Variants in CRTAC1 observed in about 807,000 individuals in gnomAD.
CRTAC1 encodes acidic secreted protein in cartilage.
A neutral mutation model predicts 67.8 loss-of-function variants in CRTAC1; 37 were observed. The observed-to-expected ratio is 0.55, with a 90% CI of 0.42 to 0.72. CRTAC1 has a LOEUF of 0.72. Among genes scored for constraint, CRTAC1 ranks in the 30% least tolerant of loss-of-function variants. The pLI is 0.00. For missense variants in CRTAC1, 780 were observed against 931.6 expected, an observed-to-expected ratio of 0.84 and a Z score of 2.12; for synonymous variants, 348 against 371.0, an observed-to-expected ratio of 0.94 and a Z score of 0.71.
chr10:98,011,103 T>G (rs1711626924), intron 2 of CRTAC1, 35 bp downstream of exon 2: 1 of 1,589,314 alleles, frequency 6.3e-7, no homozygotes, highest in Admixed American at 1.7e-5. Context: ...AAAATCTGAT[T>G]AATATCTGTC....
chr10:97,964,364 TGA>T (rs1157069790), intron 2 of CRTAC1, among the ~76,000 whole-genome samples: 2 of 152,208 alleles, frequency 1.3e-5, no homozygotes, highest in African/African-American at 4.8e-5. Context: ...TCCTGCAGTG[TGA>T]GTTTGTCTTA....
At position 97,880,345 on chromosome 10, in the gene CRTAC1, G is replaced by T. The variant is rs773010392; in HGVS notation, c.1723C>A (p.Pro575Thr). Residue 575 changes from proline (P) to threonine (T), a missense_variant, in exon 14 of 15, where the codon CCC becomes ACC. By Grantham distance (38) the Pro-to-Thr change is conservative. Coordinates refer to ENST00000370597, the MANE Select transcript of CRTAC1 (RefSeq NM_018058.7). ...QFPFVCPRDK[P>T]VCVNTYGSYR... ...CTTCCATAGGTGTTGACACATACGG[G>T]CTTGTCTCGAGGGCACACGAATGGG... 1 of 1,614,176 alleles carries T rather than the reference G, an allele frequency of 6.2e-7. No homozygotes were observed. The highest frequency in any genetic ancestry group is 8.5e-7 in the Non-Finnish European group (1 of 1,180,006).
chr10:97,918,221 T>C (rs1352850634), intron 4 of CRTAC1, among the ~76,000 whole-genome samples: 2 of 152,184 alleles, frequency 1.3e-5, no homozygotes, highest in Non-Finnish European at 2.9e-5. Context: ...TCCCTTCCCT[T>C]ATTTCCCCTG....
chr10:97,875,048 C>T (rs564085640), intron 14 of CRTAC1, among the ~76,000 whole-genome samples: 11 of 152,308 alleles, frequency 7.2e-5, no homozygotes, highest in Admixed American at 2.6e-4. Context: ...ACACAGTAGG[C>T]GTTCAGTCAC....
At position 97,880,330 on chromosome 10, in the gene CRTAC1, T is replaced by C; in HGVS notation, c.1738A>G (p.Thr580Ala). The C allele has an allele frequency of 6.2e-7, 1 of 1,614,166 alleles. No homozygotes were observed. Among genetic ancestry groups the C allele is most frequent in the East Asian group, 2.2e-5 (1 of 44,884 alleles). Residue 580 changes from threonine (T) to alanine (A), a missense_variant, in exon 14 of 15, where the codon ACC (threonine) becomes GCC (alanine). Thr to Ala is a moderately conservative substitution (Grantham distance 58). Transcript: ENST00000370597. ...GTCCGGCACCTGTAGCTTCCATAGG[T>C]GTTGACACATACGGGCTTGTCTCGA... ...CPRDKPVCVN[T>A]YGSYRCRTNK...
At chr10:97,931,516 T>G (rs896069628) in intron 3 of CRTAC1, among the ~76,000 whole-genome samples, 3 of 152,136 alleles carry the variant, frequency 2.0e-5, no homozygotes, top group African/African-American at 7.2e-5. Flanking sequence ...ATGAGAAAGC[T>G]CTCTGTGTAC....
intron 2 of CRTAC1, among the ~76,000 whole-genome samples, chr10:97,991,488 CCCG>C (rs376520287): frequency 2.7e-3 from 411 of 151,280 alleles, no homozygotes; most frequent in African/African-American, 9.0e-3. Context: ...ATTTTATCCC[CCCG>C]ATAAAAAGAG....
At chr10:97,894,384 T>C (rs933486152) in intron 11 of CRTAC1, among the ~76,000 whole-genome samples, 2 of 151,994 alleles carry the variant, frequency 1.3e-5, no homozygotes, top group Non-Finnish European at 2.9e-5. Flanking sequence ...ATGTGCTATA[T>C]GCATGTTGAT....
At chr10:97,865,813 CT>C in intron 14 of CRTAC1, 99 bp from the exon 15 acceptor site, 1 of 564,792 alleles carries the variant, frequency 1.8e-6, no homozygotes. Flanking sequence ...GCTCACCCTG[CT>C]GCCCGGGGTG....
chr10:97,869,841 C>A (rs2050071841), intron 14 of CRTAC1: 1 of 152,302 alleles, frequency 6.6e-6, no homozygotes, highest in African/African-American at 2.4e-5. Flanking sequence ...GGAAACTCCA[C>A]ATCCCTCTCC....
At chr10:97,953,275 C>T (rs1284644876) in intron 2 of CRTAC1, among the ~76,000 whole-genome samples, 1 of 152,080 alleles carries the variant, frequency 6.6e-6, no homozygotes, top group Non-Finnish European at 1.5e-5. Context: ...TCTTCTTTTC[C>T]TTTTGATATG....
intron 14 of CRTAC1, among the ~76,000 whole-genome samples, chr10:97,879,437 G>T: frequency 6.6e-6 from 1 of 152,160 alleles, no homozygotes. Context: ...GAGACTGGAT[G>T]GGGTATTGGA....
rs1162796305 is a variant in CRTAC1 at position 97,917,625 on chromosome 10, T to C, written c.590A>G (p.Asn197Ser). The C allele has an allele frequency of 6.3e-7, 1 of 1,596,456 alleles. No individual in the cohort carries two copies. The highest frequency in any genetic ancestry group is 1.3e-5 in the African/African-American group (1 of 74,764). The change falls in exon 5 of 15, where the codon AAT (asparagine) becomes AGT (serine). Residue 197 changes from asparagine to serine, a missense_variant. Transcript: ENST00000370597. ...AGGGCCCACATTACCGTAGGCGTAA[T>C]TGGCAATGTAGATAGAGTAGCGTCC... ...GSGRYSIYIA[N>S]YAYGNVGPDA...
chr10:97,927,459 C>G (rs1392687383), intron 3 of CRTAC1, among the ~76,000 whole-genome samples: 1 of 152,188 alleles, frequency 6.6e-6, no homozygotes, highest in Non-Finnish European at 1.5e-5. Flanking sequence ...TTTTTGTAGA[C>G]CACCTCTTAG....
At chr10:97,992,195 C>T (rs1448226407) in intron 2 of CRTAC1, among the ~76,000 whole-genome samples, 1 of 152,116 alleles carries the variant, frequency 6.6e-6, no homozygotes, top group South Asian at 2.1e-4. Context: ...AGGGAAGCAA[C>T]TTTAAAAGAT....
At chr10:98,011,868 T>C (rs1170699789) in intron 1 of CRTAC1, among the ~76,000 whole-genome samples, 1 of 152,168 alleles carries the variant, frequency 6.6e-6, no homozygotes, top group Non-Finnish European at 1.5e-5. Context: ...ACTGGGCGAA[T>C]GAAGAACCTA....
intron 5 of CRTAC1, among the ~76,000 whole-genome samples, chr10:97,911,479 C>A (rs981488595): frequency 7.2e-5 from 11 of 152,238 alleles, no homozygotes; most frequent in Non-Finnish European, 1.6e-4. Context: ...GTTACCCACA[C>A]CTCCTTCTCG....
chr10:97,925,646 T>C (rs1434803874), intron 3 of CRTAC1, among the ~76,000 whole-genome samples: 1 of 103,054 alleles, frequency 9.7e-6, no homozygotes, highest in African/African-American at 3.8e-5. Flanking sequence ...TGAGTGAGAA[T>C]GAGTGTGGGC....
intron 4 of CRTAC1, among the ~76,000 whole-genome samples, chr10:97,921,023 A>G (rs2050829189): frequency 6.6e-6 from 1 of 152,118 alleles, no homozygotes; most frequent in Non-Finnish European, 1.5e-5. Flanking sequence ...AGAGAACAGC[A>G]CATGGCAGAG....
Sources: allele counts gnomAD v4.1 joint callset (sites outside exome capture counted in the v4.1 genomes callset), GRCh38; gene constraint gnomAD v4.1.1; transcripts MANE v1.5; gene names NCBI Gene and HGNC (gene_info 2026-07-23, HGNC 2026-07-21).